FOCAD: variants seen among roughly 807,000 people sequenced by gnomAD.
FOCAD encodes focadhesin, also known as KIAA1797.
FOCAD carries 198 observed loss-of-function variants against 225.6 expected under a neutral mutation model. The ratio of observed to expected loss-of-function variants is 0.88; its 90% CI spans 0.78 to 0.99. FOCAD has a LOEUF of 0.99. Among genes scored for constraint, FOCAD ranks in the 50% least tolerant of loss-of-function variants. The pLI, the probability that FOCAD is intolerant of heterozygous loss-of-function variation, is 0.00. For missense variants in FOCAD, 2,713 were observed against 2,123.6 expected, an observed-to-expected ratio of 1.28 and a Z score of -5.46; for synonymous variants, 897 against 755.0, an observed-to-expected ratio of 1.19 and a Z score of -3.08.
In FOCAD at chr9:20,946,735, C is replaced by T; in HGVS notation, c.3590C>T (p.Ser1197Leu). 1 of 1,613,704 alleles carries T rather than the reference C, an allele frequency of 6.2e-7. No homozygotes were observed. Among genetic ancestry groups the T allele is most frequent in the Non-Finnish European group, 8.5e-7 (1 of 1,179,716 alleles). The change falls in exon 30 of 44, where the codon TCA becomes TTA. Residue 1197 changes from serine to leucine, a missense_variant. Ser to Leu is a moderately radical substitution (Grantham distance 145). Transcript: ENST00000338382. Reference protein sequence around the residue: ...LAYTLSCVCTSAFSAGIIEAT... With the variant: ...LAYTLSCVCTLAFSAGIIEAT... Reference sequence around the variant, plus strand: ...TACACACTTAGCTGTGTATGTACATCAGCGTTCAGTGCTGGAATTATTGAG... The same window carrying T: ...TACACACTTAGCTGTGTATGTACATTAGCGTTCAGTGCTGGAATTATTGAG...
At chr9:20,781,285 G>A (rs1006536177) in intron 9 of FOCAD, among the ~76,000 whole-genome samples, 2 of 152,160 alleles carry the variant, frequency 1.3e-5, no homozygotes, top group Non-Finnish European at 2.9e-5. Context: ...CAGCTGAAGG[G>A]CAGTCCTGCT....
chr9:20,934,858 C>T (rs1018749431), intron 28 of FOCAD, among the ~76,000 whole-genome samples: 6 of 151,352 alleles, frequency 4.0e-5, no homozygotes, highest in African/African-American at 7.3e-5. Context: ...AACCCCACCC[C>T]TTTTTTTTAC....
At chr9:20,934,639 G>A (rs1835787750) in intron 28 of FOCAD, among the ~76,000 whole-genome samples, 2 of 152,006 alleles carry the variant, frequency 1.3e-5, no homozygotes, top group Non-Finnish European at 2.9e-5. Flanking sequence ...TTTGGTGAAT[G>A]TGGCCTTATA....
Position 20,685,413 on chromosome 9 carries a change from A to G in FOCAD, c.-33+1120A>G, listed in dbSNP as rs12341365. The stretch of plus-strand genomic sequence containing the variant: ...TTAACAGGAAGTAACTATTTTAAAA[A>G]CACAGGATGCATTTTATGATTATGT... On this transcript the variant is annotated intron_variant, in intron 1 of 43. Coordinates refer to ENST00000338382, the MANE Select transcript of FOCAD (RefSeq NM_001375567.1). 3.4e-3 allele frequency among the ~76,000 whole-genome samples: 511 copies of G among 152,274 alleles called. 3 individuals are homozygous for G. Among genetic ancestry groups the G allele is most frequent in the African/African-American group, 0.012 (497 of 41,550 alleles).
rs142254736 is a variant in FOCAD, at chr9:20,903,227, A to G, written c.2626-3923A>G. ...CTAGCCTCATCTTCACTTCATCTAG[A>G]CAAATTTTACTTCGGTTTTCTGTCT... is the stretch of plus-strand genomic sequence containing the variant. On this transcript the variant is annotated intron_variant, in intron 21 of 43. Transcript: ENST00000338382. 1.6e-3 allele frequency among the ~76,000 whole-genome samples: 248 copies of G among 152,050 alleles called. 3 individuals are homozygous for G. The highest frequency in any genetic ancestry group is 1.8e-4 in the Non-Finnish European group (12 of 67,936).
chr9:20,829,945 A>T (rs936502292), intron 15 of FOCAD, among the ~76,000 whole-genome samples: 2 of 152,054 alleles, frequency 1.3e-5, no homozygotes, highest in Non-Finnish European at 2.9e-5. Context: ...ATCTCATTTA[A>T]TTCTTACAAT....
At chr9:20,903,275 T>A (rs926513756) in intron 21 of FOCAD, among the ~76,000 whole-genome samples, 3 of 151,934 alleles carry the variant, frequency 2.0e-5, no homozygotes, top group African/African-American at 7.2e-5. Flanking sequence ...TTTTACTTTA[T>A]ATTGAATTTG....
At chr9:20,843,745 T>C (rs1253038163) in intron 15 of FOCAD, among the ~76,000 whole-genome samples, 1 of 152,182 alleles carries the variant, frequency 6.6e-6, no homozygotes, top group Non-Finnish European at 1.5e-5. Context: ...ATTTTCCTTC[T>C]CTATAGTTCA....
At chr9:20,678,755 T>C (rs887747549) in intron 2 of FOCAD, among the ~76,000 whole-genome samples, 15 of 152,206 alleles carry the variant, frequency 9.9e-5, no homozygotes, top group African/African-American at 3.1e-4. Context: ...ACAGCTTCTT[T>C]GTGTTTTGTA....
At chr9:20,950,662 C>G (rs907942471) in intron 33 of FOCAD, among the ~76,000 whole-genome samples, 3 of 152,062 alleles carry the variant, frequency 2.0e-5, no homozygotes, top group Non-Finnish European at 2.9e-5. Context: ...AACTGTCACC[C>G]CTTTTGTACT....
At chr9:20,771,670 G>A (rs1818244696) in intron 8 of FOCAD, among the ~76,000 whole-genome samples, 1 of 152,192 alleles carries the variant, frequency 6.6e-6, no homozygotes, top group Admixed American at 6.5e-5. Flanking sequence ...CAGGAGAATT[G>A]TTTGAACCCT....
chr9:20,921,818 G>C (rs955264470), intron 24 of FOCAD, among the ~76,000 whole-genome samples: 1 of 152,148 alleles, frequency 6.6e-6, no homozygotes, highest in Non-Finnish European at 1.5e-5. Context: ...TTTTAAAACC[G>C]AGGCTAATTT....
At chr9:20,761,333 A>G (rs1829574427) in intron 6 of FOCAD, among the ~76,000 whole-genome samples, 1 of 152,178 alleles carries the variant, frequency 6.6e-6, no homozygotes, top group Admixed American at 6.5e-5. Flanking sequence ...TTTTCAGATG[A>G]GAGAACCGAG....
chr9:20,866,894 T>C (rs1247653508), intron 17 of FOCAD, 35 bp from the exon 18 acceptor site: 4 of 559,446 alleles, frequency 7.1e-6, no homozygotes, highest in Non-Finnish European at 1.1e-5. Context: ...CTTGCTTTTT[T>C]TTTTTTTTTT....
intron 1 of FOCAD, among the ~76,000 whole-genome samples, chr9:20,713,308 G>A (rs537708274): frequency 3.0e-4 from 46 of 152,210 alleles, no homozygotes; most frequent in African/African-American, 9.1e-4. Context: ...TTCTTCCTAA[G>A]ACAGGGCTTA....
chr9:20,757,387 T>G (rs1829152048), intron 5 of FOCAD, among the ~76,000 whole-genome samples: 1 of 152,098 alleles, frequency 6.6e-6, no homozygotes, highest in African/African-American at 2.4e-5. Context: ...TACTTTTTGT[T>G]TTTTTTTGGG....
chr9:20,847,838 T>C (rs965598515), intron 15 of FOCAD, among the ~76,000 whole-genome samples: 13 of 152,086 alleles, frequency 8.5e-5, no homozygotes, highest in African/African-American at 3.1e-4. Flanking sequence ...GAGAAGACAA[T>C]AATTTTAGAT....
intron 15 of FOCAD, among the ~76,000 whole-genome samples, chr9:20,853,258 G>A (rs1318606418): frequency 6.6e-6 from 1 of 151,664 alleles, no homozygotes; most frequent in East Asian, 1.9e-4. Context: ...AAGTATCCTA[G>A]GCACCTGTAA....
intron 11 of FOCAD, among the ~76,000 whole-genome samples, chr9:20,799,718 CT>C (rs1280382713): frequency 2.0e-5 from 3 of 152,032 alleles, no homozygotes; most frequent in African/African-American, 7.2e-5. Context: ...TCCTCCATCC[CT>C]TTATTTTGAG....
Sources: gnomAD v4.1 joint callset for allele counts (sites outside exome capture counted in the v4.1 genomes callset) on GRCh38, gnomAD v4.1.1 for gene constraint, MANE v1.5 for transcripts, NCBI Gene and HGNC (gene_info 2026-07-23, HGNC 2026-07-21) for gene names.